ACER2: variants seen among roughly 807,000 people sequenced by gnomAD.
The protein encoded by ACER2 is alkCDase 2.
A neutral mutation model predicts 34.7 loss-of-function variants in ACER2; 26 were observed. That is an observed-to-expected ratio of 0.75 (90% CI 0.55 to 1.04). The LOEUF is 1.04. Ranked by LOEUF, ACER2 falls within the 50% of genes least tolerant of loss-of-function variation. The pLI is 0.00. For missense variants in ACER2, 352 were observed against 340.8 expected, an observed-to-expected ratio of 1.03 and a Z score of -0.26; for synonymous variants, 138 against 132.1, an observed-to-expected ratio of 1.04 and a Z score of -0.31.
At chr9:19,424,509 T>A (rs952940407) in intron 2 of ACER2, 191 bp from the exon 3 acceptor site, 11 of 985,238 alleles carry the variant, frequency 1.1e-5, no homozygotes, top group Admixed American at 6.2e-5. Context: ...GGGCCCTAGT[T>A]GAAATCTTCT....
intron 3 of ACER2, among the ~76,000 whole-genome samples, chr9:19,433,312 C>A (rs548837983): frequency 3.5e-4 from 53 of 151,912 alleles, no homozygotes; most frequent in Non-Finnish European, 6.3e-4. Flanking sequence ...CCTTCCGCAG[C>A]GTTTGGGTCC....
Position 19,423,854 on chromosome 9 carries a change from T to A in ACER2, c.109-8T>A, listed in dbSNP as rs1386011269. On this transcript the variant is annotated splice_region_variant and splice_polypyrimidine_tract_variant and intron_variant, in intron 1 of 5. Coordinates refer to ENST00000340967, the MANE Select transcript of ACER2 (RefSeq NM_001010887.3). ...CTCATCTTTCTGTTTTACATTTTTT[T>A]CCTGCAGATCAGCAATGTCTTATTT... 6.2e-7 allele frequency: 1 copy of A among 1,606,810 alleles called. No individual in the cohort carries two copies. Among genetic ancestry groups the A allele is most frequent in the Admixed American group, 1.7e-5 (1 of 60,020 alleles).
chr9:19,447,805 A>G (rs1157051226), intron 5 of ACER2, among the ~76,000 whole-genome samples: 1 of 152,130 alleles, frequency 6.6e-6, no homozygotes, highest in Non-Finnish European at 1.5e-5. Flanking sequence ...CTTTCCAGTT[A>G]TAAAATGACA....
chr9:19,450,421 A>G, intron 5 of ACER2, 29 bp from the exon 6 acceptor site: 1 of 1,556,522 alleles, frequency 6.4e-7, no homozygotes, highest in Non-Finnish European at 8.8e-7. Flanking sequence ...CATGCTCATC[A>G]GGTTCTCACC....
chr9:19,438,896 C>T (rs945194182), intron 4 of ACER2, among the ~76,000 whole-genome samples: 2 of 151,806 alleles, frequency 1.3e-5, no homozygotes, highest in Non-Finnish European at 2.9e-5. Flanking sequence ...GGTAATCTTC[C>T]CACCTCAGCC....
chr9:19,427,172 G>A (rs867962804), intron 3 of ACER2, among the ~76,000 whole-genome samples: 6 of 152,122 alleles, frequency 3.9e-5, no homozygotes, highest in Admixed American at 2.6e-4. Flanking sequence ...TCTTTGAGAC[G>A]ATCCTGTAGG....
At chr9:19,422,699 T>TG (rs1830441299) in intron 1 of ACER2, among the ~76,000 whole-genome samples, 1 of 151,936 alleles carries the variant, frequency 6.6e-6, no homozygotes, top group East Asian at 1.9e-4. Flanking sequence ...AACTTTTTTT[T>TG]TTTTTTAACC....
At position 19,435,160 on chromosome 9, in the gene ACER2, C is replaced by T; in HGVS notation, c.503+76C>T. The T allele has an allele frequency of 2.0e-6, 3 of 1,533,672 alleles. No homozygotes were observed. The South Asian group carries it at 3.6e-5, about 19-fold the overall frequency. On this transcript the variant is annotated intron_variant, in intron 4 of 5. Transcript: ENST00000340967. ...CACCAGTTCGGGGCTTCTTTGCTGT[C>T]CTGTAGCAGAAGAGGAGTTTTATTC...
intron 1 of ACER2, among the ~76,000 whole-genome samples, chr9:19,411,000 G>T (rs2132450285): frequency 6.6e-6 from 1 of 152,306 alleles, no homozygotes; most frequent in South Asian, 2.1e-4. Flanking sequence ...GTGCAGCCTG[G>T]GGTCTACAGA....
At position 19,452,205 on chromosome 9, in the gene ACER2, A is replaced by G. The variant is rs1423567465; in HGVS notation, c.*1569A>G. 6.6e-6 allele frequency among the ~76,000 whole-genome samples: 1 copy of G among 152,180 alleles called. No homozygotes were observed. The highest frequency in any genetic ancestry group is 1.5e-5 in the Non-Finnish European group (1 of 68,030). ...TTCCATTGTTGGGAGAGGGCAGGACAGGTGTGTTCTTCTGTGGGCAGGAGT... is the reference window on the plus strand; with the variant it reads ...TTCCATTGTTGGGAGAGGGCAGGACGGGTGTGTTCTTCTGTGGGCAGGAGT... On this transcript the variant is annotated 3_prime_UTR_variant, in exon 6 of 6. Coordinates refer to ENST00000340967, the MANE Select transcript of ACER2 (RefSeq NM_001010887.3).
chr9:19,438,056 A>G (rs1352928349), intron 4 of ACER2, among the ~76,000 whole-genome samples: 1 of 152,170 alleles, frequency 6.6e-6, no homozygotes, highest in Non-Finnish European at 1.5e-5. Context: ...GAGTTATGAA[A>G]TTTCTTGAGA....
chr9:19,429,143 A>G (rs1236705180), intron 3 of ACER2, among the ~76,000 whole-genome samples: 1 of 151,996 alleles, frequency 6.6e-6, no homozygotes, highest in Non-Finnish European at 1.5e-5. Flanking sequence ...GAAATTATTA[A>G]TGTTCATTAT....
At chr9:19,419,935 A>G (rs1830351738) in intron 1 of ACER2, among the ~76,000 whole-genome samples, 1 of 151,910 alleles carries the variant, frequency 6.6e-6, no homozygotes, top group Admixed American at 6.6e-5. Flanking sequence ...TTTGACTTGC[A>G]TTTCTCTCCC....
chr9:19,433,319 G>A (rs1830822761), intron 3 of ACER2, among the ~76,000 whole-genome samples: 1 of 151,952 alleles, frequency 6.6e-6, no homozygotes, highest in Non-Finnish European at 1.5e-5. Context: ...CAGCGTTTGG[G>A]TCCCTGGGTA....
At chr9:19,449,061 C>T (rs56380353) in intron 5 of ACER2, among the ~76,000 whole-genome samples, 11,454 of 152,130 alleles carry the variant, frequency 0.075, 481 homozygotes, top group Non-Finnish European at 0.093. Flanking sequence ...ACCTGGGAGG[C>T]GGAGATTGAA....
At chr9:19,438,528 T>G (rs1367864708) in intron 4 of ACER2, among the ~76,000 whole-genome samples, 1 of 152,230 alleles carries the variant, frequency 6.6e-6, no homozygotes, top group Non-Finnish European at 1.5e-5. Context: ...CAACTCTGGA[T>G]GTTAACACAT....
chr9:19,426,228 TAAAAAA>T (rs369990989), intron 3 of ACER2, among the ~76,000 whole-genome samples: 3 of 144,766 alleles, frequency 2.1e-5, no homozygotes, highest in African/African-American at 7.6e-5. Context: ...ACTTTTTTTT[TAAAAAA>T]AAAAAAACAA....
rs1830911376 is a variant in ACER2, at chr9:19,434,952, G to C, written c.371G>C (p.Arg124Thr). The stretch of plus-strand genomic sequence containing the variant: ...TTTTGCTTTCATGGATTCAGGGGTA[G>C]GTTCAAGGTGGTGGTCAGTGTCCTG... Reference protein sequence around the residue: ...LPKIFRNDRGRFKVVVSVLSA... With the variant: ...LPKIFRNDRGTFKVVVSVLSA... Residue 124 changes from arginine (R) to threonine (T), a missense_variant, in exon 4 of 6, where the codon AGG (arginine) becomes ACG (threonine). Coordinates refer to ENST00000340967, the MANE Select transcript of ACER2 (RefSeq NM_001010887.3). 3.1e-6 allele frequency: 5 copies of C among 1,613,432 alleles called. No individual in the cohort carries two copies. In the South Asian group the frequency reaches 5.5e-5, roughly 18 times the overall value.
chr9:19,423,139 A>G (rs1348166525), intron 1 of ACER2, among the ~76,000 whole-genome samples: 1 of 152,180 alleles, frequency 6.6e-6, no homozygotes, highest in Non-Finnish European at 1.5e-5. Context: ...CAGCCTGGAA[A>G]ACATAGCTAG....
Sources: gnomAD v4.1 joint callset for allele counts (sites outside exome capture counted in the v4.1 genomes callset) on GRCh38, gnomAD v4.1.1 for gene constraint, MANE v1.5 for transcripts, NCBI Gene and HGNC (gene_info 2026-07-23, HGNC 2026-07-21) for gene names.